GRIN2B: variants seen among roughly 807,000 people sequenced by gnomAD.
The protein encoded by GRIN2B is glutamate ionotropic receptor NMDA type subunit 2B.
Under a neutral mutation model 114.5 loss-of-function variants are expected in GRIN2B, and 5 were observed. That is an observed-to-expected ratio of 0.04 (90% CI 0.02 to 0.09). The LOEUF (loss-of-function observed/expected upper bound fraction) is 0.09. GRIN2B is among the 10% of genes least tolerant of loss of function. The pLI is 1.00. For synonymous variants in GRIN2B, 787 were observed against 745.1 expected (o/e 1.06, Z -0.92); for missense variants, 1,108 against 1,943.5 (o/e 0.57, Z 8.08).
At chr12:13,714,460 A>G (rs1950439187) in intron 4 of GRIN2B, among the ~76,000 whole-genome samples, 3 of 151,902 alleles carry the variant, frequency 2.0e-5, no homozygotes. Context: ...CTGTATTTTT[A>G]TGCTTATGAT....
chr12:13,777,522 G>A (rs1050152989), intron 3 of GRIN2B, among the ~76,000 whole-genome samples: 46 of 152,320 alleles, frequency 3.0e-4, no homozygotes, highest in African/African-American at 1.0e-3. Flanking sequence ...CCCATCTTCA[G>A]AATAAGGACC....
At position 13,828,339 on chromosome 12, in the gene GRIN2B, T is replaced by C. The variant is rs1473297306; in HGVS notation, c.411+37459A>G. Among the ~76,000 whole-genome samples, 6 of 152,344 alleles carry C rather than the reference T, an allele frequency of 3.9e-5. No homozygotes were observed. In the South Asian group the frequency reaches 6.2e-4, roughly 16 times the overall value. On this transcript the variant is annotated intron_variant, in intron 3 of 13. Transcript: ENST00000609686. ...AGAACTAGAATGGCCTCTGGCCCAG[T>C]GGGAATTCTGGGAATTGTTCTTCTT...
intron 2 of GRIN2B, among the ~76,000 whole-genome samples, chr12:13,911,746 C>T (rs898263303): frequency 6.6e-6 from 1 of 152,136 alleles, no homozygotes; most frequent in African/African-American, 2.4e-5. Context: ...GTCCAGCCCT[C>T]GCAGAAGGTG....
At chr12:13,595,182 G>T (rs1314103917) in intron 10 of GRIN2B, among the ~76,000 whole-genome samples, 1 of 152,190 alleles carries the variant, frequency 6.6e-6, no homozygotes, top group Admixed American at 6.5e-5. Flanking sequence ...TCCACATAGA[G>T]CAGGTCCTGA....
In GRIN2B at chr12:13,563,195, G is replaced by A. The variant is rs1318411964; in HGVS notation, c.4043C>T (p.Thr1348Ile). The A allele has an allele frequency of 4.3e-6, 7 of 1,614,102 alleles. No homozygotes were observed. Among genetic ancestry groups the A allele is most frequent in the South Asian group, 2.2e-5 (2 of 91,088 alleles). The change falls in exon 14 of 14, where the codon ACC (threonine) becomes ATC (isoleucine). Residue 1348 changes from threonine to isoleucine, a missense_variant. This residue lies in a region of GRIN2B where 478 missense variants were observed against 506.0 expected (regional missense o/e 0.94). Transcript: ENST00000609686. ...CACTGAGGACTTGTTGTTGGCAAAG[G>A]TGCTCTCGCCAGCTGACATCTCAAA... The part of the protein sequence containing the change: ...HMFEMSAGES[T>I]FANNKSSVPT...
At chr12:13,717,064 C>CGT (rs1555125918) in intron 4 of GRIN2B, among the ~76,000 whole-genome samples, 3 of 61,932 alleles carry the variant, frequency 4.8e-5, no homozygotes, top group Middle Eastern at 7.7e-3. Context: ...TCATGCCATA[C>CGT]GCGTGTGTGT....
chr12:13,636,057 G>A (rs1949663211), intron 5 of GRIN2B, among the ~76,000 whole-genome samples: 1 of 151,988 alleles, frequency 6.6e-6, no homozygotes, highest in African/African-American at 2.4e-5. Flanking sequence ...GAAAGAGGAT[G>A]GTGTGTGATG....
intron 2 of GRIN2B, among the ~76,000 whole-genome samples, chr12:13,973,809 T>C (rs1862972137): frequency 6.6e-6 from 1 of 152,080 alleles, no homozygotes; most frequent in Non-Finnish European, 1.5e-5. Context: ...ATGGTGAAAG[T>C]GTAGATAAAT....
chr12:13,721,327 T>C (rs889220948), intron 4 of GRIN2B, among the ~76,000 whole-genome samples: 16 of 151,922 alleles, frequency 1.1e-4, no homozygotes, highest in African/African-American at 3.9e-4. Flanking sequence ...CATTGAAAAA[T>C]TTTGATGTGA....
At position 13,628,651 on chromosome 12, in the gene GRIN2B, C is replaced by A. The variant is rs1471225868; in HGVS notation, c.1126-11994G>T. Among the ~76,000 whole-genome samples, 6 of 152,212 alleles carry A rather than the reference C, an allele frequency of 3.9e-5. No individual in the cohort carries two copies. The East Asian group carries it at 1.2e-3, about 29-fold the overall frequency. Reference sequence around the variant, plus strand: ...GCTAGAACATGTAGCTGGACTAGAGCAGGACATCATCAGATGAGACTGCAG... The same window carrying A: ...GCTAGAACATGTAGCTGGACTAGAGAAGGACATCATCAGATGAGACTGCAG... On this transcript the variant is annotated intron_variant, in intron 5 of 13. Coordinates refer to ENST00000609686, the MANE Select transcript of GRIN2B (RefSeq NM_000834.5).
chr12:13,671,755 T>A (rs1378855211), intron 5 of GRIN2B, among the ~76,000 whole-genome samples: 1 of 152,150 alleles, frequency 6.6e-6, no homozygotes, highest in Non-Finnish European at 1.5e-5. Flanking sequence ...AGCATACAGA[T>A]TCTTCATTTA....
rs1368754347 is a variant in GRIN2B, at chr12:13,558,731, G to GGGAAATACATATGAAGGAT, written c.*4033_*4051dup. The GGGAAATACATATGAAGGAT allele has an allele frequency of 6.6e-6, 1 of 152,218 alleles. No individual in the cohort carries two copies. Among genetic ancestry groups the GGGAAATACATATGAAGGAT allele is most frequent in the Non-Finnish European group, 1.5e-5 (1 of 68,054 alleles). The allele number at this position is 152,218 out of a possible 1,614,324, so 9.4% of individuals were successfully genotyped here. A position where few individuals can be genotyped will look rare whatever the true frequency, so the allele number is the denominator to read the frequency against. On this transcript the variant is annotated 3_prime_UTR_variant, in exon 14 of 14. Coordinates refer to ENST00000609686, the MANE Select transcript of GRIN2B (RefSeq NM_000834.5). Reference sequence around the variant, plus strand: ...TCACAACATGGCTGTGGCCAGTGCAGGGAAATACATATGAAGGATGTTTCC... The same window carrying GGGAAATACATATGAAGGAT: ...TCACAACATGGCTGTGGCCAGTGCAGGGAAATACATATGAAGGATGGAAATACATATGAAGGATGTTTCC...
intron 2 of GRIN2B, among the ~76,000 whole-genome samples, chr12:13,958,057 G>A (rs1333318301): frequency 6.6e-6 from 1 of 152,140 alleles, no homozygotes; most frequent in Non-Finnish European, 1.5e-5. Flanking sequence ...TTTCCGTCAC[G>A]GTAGAAAGTT....
intron 2 of GRIN2B, among the ~76,000 whole-genome samples, chr12:13,931,230 T>C (rs1867025160): frequency 6.6e-6 from 1 of 152,236 alleles, no homozygotes; most frequent in Non-Finnish European, 1.5e-5. Context: ...CTATTCTCCC[T>C]TTAATCCTCT....
intron 10 of GRIN2B, among the ~76,000 whole-genome samples, chr12:13,589,878 T>C (rs957925606): frequency 3.3e-5 from 5 of 152,146 alleles, no homozygotes; most frequent in Admixed American, 2.0e-4. Flanking sequence ...CACATCTAAC[T>C]TGAAATTACT....
intron 3 of GRIN2B, among the ~76,000 whole-genome samples, chr12:13,855,549 G>T (rs543738280): frequency 5.3e-5 from 8 of 152,194 alleles, no homozygotes; most frequent in Non-Finnish European, 1.0e-4. Context: ...GGCTCTAGGG[G>T]AGATTCCTTC....
intron 2 of GRIN2B, among the ~76,000 whole-genome samples, chr12:13,917,921 T>C (rs1866760563): frequency 6.6e-6 from 1 of 152,084 alleles, no homozygotes; most frequent in Admixed American, 6.5e-5. Context: ...TTTAATCCTC[T>C]GATAAATTAG....
intron 2 of GRIN2B, among the ~76,000 whole-genome samples, chr12:13,936,721 G>A (rs1008467705): frequency 6.6e-6 from 1 of 152,108 alleles, no homozygotes; most frequent in Non-Finnish European, 1.5e-5. Context: ...CTTGGCATGT[G>A]AAACTTTAAG....
intron 10 of GRIN2B, among the ~76,000 whole-genome samples, chr12:13,575,142 G>A (rs1292779095): frequency 6.6e-6 from 1 of 152,124 alleles, no homozygotes. Flanking sequence ...GAGTTAGACA[G>A]AGATTTCTTA....
Sources: gnomAD v4.1 joint callset for allele counts (sites outside exome capture counted in the v4.1 genomes callset) on GRCh38, gnomAD v4.1.1 for gene constraint, gnomAD v4.1.1 regional missense constraint, MANE v1.5 for transcripts, NCBI Gene and HGNC (gene_info 2026-07-23, HGNC 2026-07-21) for gene names.